The following CSMD3 variants were observed in gnomAD, a reference collection of about 807,000 sequenced individuals.
The protein encoded by CSMD3 is CUB and sushi domain-containing protein 3.
In CSMD3, 177 loss-of-function variants were observed where a neutral mutation model predicts 435.2. The observed-to-expected ratio is 0.41, with a 90% CI of 0.36 to 0.46. The LOEUF is 0.46. CSMD3 is among the 20% of genes least tolerant of loss of function. The pLI, the probability that CSMD3 is intolerant of heterozygous loss-of-function variation, is 0.34. For synonymous variants in CSMD3, 1,656 were observed against 1,520.5 expected (o/e 1.09, Z -2.07); for missense variants, 4,265 against 4,504.6 (o/e 0.95, Z 1.52).
intron 32 of CSMD3, among the ~76,000 whole-genome samples, chr8:112,469,140 G>A (rs1342110611): frequency 7.8e-6 from 1 of 128,008 alleles, no homozygotes; most frequent in Non-Finnish European, 1.6e-5. Context: ...TAACTTACAG[G>A]CATTTAATTC....
intron 4 of CSMD3, among the ~76,000 whole-genome samples, chr8:113,164,834 T>C (rs1282354375): frequency 6.6e-6 from 1 of 152,090 alleles, no homozygotes; most frequent in Non-Finnish European, 1.5e-5. Context: ...GCTGTAAAAA[T>C]ACCTATTACT....
At chr8:112,638,563 T>TTA in intron 21 of CSMD3, 133 bp downstream of exon 21, 1 of 662,712 alleles carries the variant, frequency 1.5e-6, no homozygotes, top group South Asian at 1.7e-5. Context: ...ACATACTACT[T>TTA]TGCTTTCTTC....
At position 112,224,411 on chromosome 8, in the gene CSMD3, T is replaced by C. The variant is rs1415407179; in HGVS notation, c.*360A>G. On this transcript the variant is annotated 3_prime_UTR_variant, in exon 71 of 71. Transcript: ENST00000297405. ...GTATAGCTCTTATTTCTACCCTATA[T>C]CTTTTTTTTTAAACCCAGTCCCTCT... The C allele has an allele frequency of 3.2e-6, 1 of 308,796 alleles. No individual in the cohort carries two copies. Among genetic ancestry groups the C allele is most frequent in the Admixed American group, 4.5e-5 (1 of 22,312 alleles). The allele number at this position is 308,796 out of a possible 1,614,324, so 19.1% of individuals were successfully genotyped here.
chr8:112,707,668 G>A (rs1328665883), intron 13 of CSMD3, among the ~76,000 whole-genome samples: 1 of 151,974 alleles, frequency 6.6e-6, no homozygotes, highest in Admixed American at 6.6e-5. Flanking sequence ...TCTCTATTGT[G>A]TTTGTCTATC....
chr8:112,550,611 A>C, intron 27 of CSMD3, 60 bp downstream of exon 27: 1 of 887,310 alleles, frequency 1.1e-6, no homozygotes, highest in Non-Finnish European at 1.9e-6. Context: ...AGTAAAGTTA[A>C]CATGACTATT....
At chr8:113,401,955 C>T (rs2094512030) in intron 1 of CSMD3, among the ~76,000 whole-genome samples, 2 of 151,404 alleles carry the variant, frequency 1.3e-5, no homozygotes, top group African/African-American at 4.8e-5. Flanking sequence ...AATTATATTC[C>T]ATGATGTTCA....
chr8:113,345,923 T>G (rs1284505848), intron 1 of CSMD3, among the ~76,000 whole-genome samples: 1 of 151,900 alleles, frequency 6.6e-6, no homozygotes, highest in Non-Finnish European at 1.5e-5. Context: ...GCTTCTTTGT[T>G]TTTAACCATT....
chr8:112,468,657 A>G (rs1818215193), intron 32 of CSMD3, among the ~76,000 whole-genome samples: 1 of 152,162 alleles, frequency 6.6e-6, no homozygotes, highest in South Asian at 2.1e-4. Context: ...ACACTTAAAT[A>G]TAATTCATAA....
intron 13 of CSMD3, among the ~76,000 whole-genome samples, chr8:112,781,373 T>G (rs2078381735): frequency 6.6e-6 from 1 of 151,986 alleles, no homozygotes; most frequent in African/African-American, 2.4e-5. Flanking sequence ...AAAAAGAACT[T>G]TGTCTTGCAA....
At chr8:112,539,667 A>AC (rs1563678164) in intron 27 of CSMD3, among the ~76,000 whole-genome samples, 1 of 152,102 alleles carries the variant, frequency 6.6e-6, no homozygotes. Context: ...AAAGGACTTC[A>AC]ATAAATTGTG....
At chr8:113,163,236 T>C (rs778213859) in intron 4 of CSMD3, among the ~76,000 whole-genome samples, 6 of 152,124 alleles carry the variant, frequency 3.9e-5, no homozygotes, top group Admixed American at 1.3e-4. Flanking sequence ...AATAATTTTT[T>C]TGAAGTTAGT....
At chr8:113,002,535 G>C (rs1369220889) in intron 6 of CSMD3, among the ~76,000 whole-genome samples, 2 of 151,972 alleles carry the variant, frequency 1.3e-5, no homozygotes, top group Admixed American at 1.3e-4. Flanking sequence ...TAATCACTTG[G>C]ACTTAAATGT....
chr8:112,593,297 A>C (rs899333741), intron 22 of CSMD3, among the ~76,000 whole-genome samples: 4 of 152,178 alleles, frequency 2.6e-5, no homozygotes, highest in Admixed American at 2.6e-4. Flanking sequence ...TTACTAGAGG[A>C]TGAAAACCCT....
At chr8:112,897,694 C>CTCTCTGTGTGTG (rs1277884675) in intron 10 of CSMD3, among the ~76,000 whole-genome samples, 6 of 90,964 alleles carry the variant, frequency 6.6e-5, no homozygotes, top group African/African-American at 2.6e-4. Context: ...CTCTCTCTCT[C>CTCTCTGTGTGTG]TGTGTGTGTG....
intron 4 of CSMD3, among the ~76,000 whole-genome samples, chr8:113,152,258 C>G (rs1231273273): frequency 6.6e-6 from 1 of 151,876 alleles, no homozygotes; most frequent in Non-Finnish European, 1.5e-5. Flanking sequence ...TAAGAAACAG[C>G]AAGAGATCTA....
chr8:113,295,082 T>C (rs2093710662), intron 2 of CSMD3, among the ~76,000 whole-genome samples: 1 of 152,180 alleles, frequency 6.6e-6, no homozygotes, highest in Admixed American at 6.6e-5. Context: ...ATGGGGTACA[T>C]GATGTATTTT....
chr8:113,111,779 C>CA (rs1267835151), intron 4 of CSMD3, among the ~76,000 whole-genome samples: 40 of 152,206 alleles, frequency 2.6e-4, no homozygotes, highest in African/African-American at 9.1e-4. Flanking sequence ...CTTCCGAGTT[C>CA]AAGTGATTCC....
chr8:112,743,536 C>A (rs1017788973), intron 13 of CSMD3, among the ~76,000 whole-genome samples: 4 of 151,656 alleles, frequency 2.6e-5, no homozygotes, highest in Non-Finnish European at 5.9e-5. Flanking sequence ...CCTTGTGATT[C>A]TTGTGATTAT....
At chr8:112,275,805 G>A (rs12056596) in intron 59 of CSMD3, among the ~76,000 whole-genome samples, 8,819 of 152,106 alleles carry the variant, frequency 0.058, 348 homozygotes, top group East Asian at 0.15. Flanking sequence ...ACAAAATGTC[G>A]AAATTATGGG....
Sources: allele counts gnomAD v4.1 joint callset (sites outside exome capture counted in the v4.1 genomes callset), GRCh38; gene constraint gnomAD v4.1.1; transcripts MANE v1.5; gene names NCBI Gene and HGNC (gene_info 2026-07-23, HGNC 2026-07-21).